The following GMDS variants were observed in gnomAD, a reference collection of about 807,000 sequenced individuals.
The protein encoded by GMDS is GDP-mannose 4,6 dehydratase.
GMDS carries 20 observed loss-of-function variants against 49.9 expected under a neutral mutation model. The observed-to-expected ratio is 0.40, with a 90% confidence interval of 0.28 to 0.58. The LOEUF (loss-of-function observed/expected upper bound fraction) is 0.58, where lower values mean the gene tolerates loss of function less well. GMDS is among the 20% of genes least tolerant of loss of function. The pLI, the probability that GMDS is intolerant of heterozygous loss-of-function variation, is 0.42. For missense variants in GMDS, 362 were observed against 481.4 expected, an observed-to-expected ratio of 0.75 and a Z score of 2.32; for synonymous variants, 177 against 178.6, an observed-to-expected ratio of 0.99 and a Z score of 0.07.
At chr6:1,725,035 G>A (rs565134179) in intron 9 of GMDS, among the ~76,000 whole-genome samples, 49 of 152,274 alleles carry the variant, frequency 3.2e-4, no homozygotes, top group African/African-American at 1.2e-3. Context: ...AATGATGACC[G>A]ATTCACTTTC....
intron 7 of GMDS, among the ~76,000 whole-genome samples, chr6:1,817,642 T>C (rs950554288): frequency 1.3e-5 from 2 of 152,212 alleles, no homozygotes; most frequent in African/African-American, 2.4e-5. Flanking sequence ...CAGTAGACCA[T>C]TTACTCTGTA....
intron 8 of GMDS, among the ~76,000 whole-genome samples, chr6:1,732,570 T>A (rs185943634): frequency 1.1e-4 from 17 of 152,328 alleles, no homozygotes; most frequent in Non-Finnish European, 1.9e-4. Context: ...AACGACATGT[T>A]ATTTGGAAAC....
rs59080864 is a variant in GMDS at position 2,160,672 on chromosome 6, A to C, written c.103-35941T>G. 8.1e-3 allele frequency among the ~76,000 whole-genome samples: 1,236 copies of C among 152,222 alleles called. 24 individuals are homozygous for C. The highest frequency in any genetic ancestry group is 0.029 in the African/African-American group (1,198 of 41,546). ...TACCTCAGCCTCCTGGGTAGCTGGA[A>C]CTAGAGGTGCACACCACCACACCTG... is the stretch of plus-strand genomic sequence containing the variant. On this transcript the variant is annotated intron_variant, in intron 1 of 10. Transcript: ENST00000380815.
At chr6:1,931,773 T>A (rs1762296971) in intron 6 of GMDS, among the ~76,000 whole-genome samples, 1 of 152,214 alleles carries the variant, frequency 6.6e-6, no homozygotes, top group Non-Finnish European at 1.5e-5. Context: ...ACATAAAACA[T>A]TTCAGATTAA....
chr6:2,071,554 C>A (rs917415603), intron 4 of GMDS, among the ~76,000 whole-genome samples: 12 of 151,772 alleles, frequency 7.9e-5, no homozygotes, highest in Non-Finnish European at 1.8e-4. Context: ...TGTACAAGAA[C>A]AACAAAGTAA....
chr6:1,628,844 G>T (rs141898286), intron 9 of GMDS, among the ~76,000 whole-genome samples: 1 of 152,188 alleles, frequency 6.6e-6, no homozygotes, highest in Non-Finnish European at 1.5e-5. Context: ...TGTGAGGGGC[G>T]CTTAATATTC....
At chr6:1,997,266 T>C (rs908110006) in intron 4 of GMDS, among the ~76,000 whole-genome samples, 1 of 151,878 alleles carries the variant, frequency 6.6e-6, no homozygotes, top group Non-Finnish European at 1.5e-5. Flanking sequence ...TCACAGCACT[T>C]TGGGAGGCCA....
chr6:2,021,083 CAGG>C (rs1322513682), intron 4 of GMDS, among the ~76,000 whole-genome samples: 5 of 152,218 alleles, frequency 3.3e-5, no homozygotes, highest in Admixed American at 3.3e-4. Context: ...AGGTGCAGAG[CAGG>C]AACTCCACAT....
At chr6:1,979,625 G>T (rs1765109737) in intron 4 of GMDS, among the ~76,000 whole-genome samples, 1 of 152,190 alleles carries the variant, frequency 6.6e-6, no homozygotes, top group Admixed American at 6.5e-5. Context: ...ATATACTTCA[G>T]GTTATCATCT....
chr6:1,881,666 C>T (rs2113824325), intron 7 of GMDS, among the ~76,000 whole-genome samples: 1 of 152,368 alleles, frequency 6.6e-6, no homozygotes, highest in East Asian at 1.9e-4. Context: ...TTTCAGCAAA[C>T]TTCTCATCTC....
chr6:1,628,528 C>T (rs1312301228), intron 9 of GMDS, among the ~76,000 whole-genome samples: 1 of 152,218 alleles, frequency 6.6e-6, no homozygotes, highest in Non-Finnish European at 1.5e-5. Context: ...ATTTCATTTT[C>T]TCCCCTTTTC....
intron 4 of GMDS, among the ~76,000 whole-genome samples, chr6:2,082,416 G>A (rs1340970146): frequency 6.6e-6 from 1 of 152,156 alleles, no homozygotes; most frequent in East Asian, 1.9e-4. Flanking sequence ...GCGGCCCAGG[G>A]CCCCACATAT....
At chr6:2,045,866 G>C (rs1161031178) in intron 4 of GMDS, among the ~76,000 whole-genome samples, 1 of 152,100 alleles carries the variant, frequency 6.6e-6, no homozygotes, top group Non-Finnish European at 1.5e-5. Context: ...ATGGATGAAG[G>C]CTACGGGTCA....
At chr6:1,780,349 G>A (rs1045513470) in intron 7 of GMDS, among the ~76,000 whole-genome samples, 1 of 152,168 alleles carries the variant, frequency 6.6e-6, no homozygotes, top group Non-Finnish European at 1.5e-5. Flanking sequence ...TTAAATTACA[G>A]TACCAAGGAT....
intron 7 of GMDS, among the ~76,000 whole-genome samples, chr6:1,906,087 G>T (rs1227247627): frequency 6.6e-6 from 1 of 152,172 alleles, no homozygotes; most frequent in Non-Finnish European, 1.5e-5. Context: ...AGTGATGCTT[G>T]TGACAAGTAT....
intron 9 of GMDS, among the ~76,000 whole-genome samples, chr6:1,700,273 A>C (rs1044948325): frequency 5.9e-5 from 9 of 152,250 alleles, no homozygotes; most frequent in Non-Finnish European, 8.8e-5. Flanking sequence ...TTACTCTGCG[A>C]AAGTTTTTAT....
chr6:2,073,066 G>C (rs1194302099), intron 4 of GMDS, among the ~76,000 whole-genome samples: 2 of 152,206 alleles, frequency 1.3e-5, no homozygotes, highest in African/African-American at 4.8e-5. Context: ...GGGATGTTTA[G>C]GTTAGACAGT....
chr6:1,951,930 C>T (rs768339993), intron 6 of GMDS: 127 of 985,116 alleles, frequency 1.3e-4, no homozygotes, highest in Non-Finnish European at 1.5e-4. Flanking sequence ...TGCTTCACTG[C>T]CAAGCTGAGG....
chr6:1,948,469 A>T (rs12664587), intron 6 of GMDS, among the ~76,000 whole-genome samples: 22,655 of 152,010 alleles, frequency 0.15, 1,722 homozygotes, highest in East Asian at 0.2. Context: ...AGGACCATTA[A>T]AAAAATACAT....
Sources: allele counts gnomAD v4.1 joint callset (sites outside exome capture counted in the v4.1 genomes callset), GRCh38; gene constraint gnomAD v4.1.1; transcripts MANE v1.5; gene names NCBI Gene and HGNC (gene_info 2026-07-23, HGNC 2026-07-21).